The following WDFY4 variants were observed in gnomAD, a reference collection of about 807,000 sequenced individuals.
The protein encoded by WDFY4 is WDFY family member 4.
WDFY4 carries 169 observed loss-of-function variants against 351.9 expected under a neutral mutation model. That is an observed-to-expected ratio of 0.48 (90% CI 0.42 to 0.55). The LOEUF is 0.55. Among genes scored for constraint, WDFY4 ranks in the 20% least tolerant of loss-of-function variants. The probability of loss-of-function intolerance (pLI) is 0.00; values close to 1 mark genes in which losing one functional copy is unlikely to be tolerated. For missense variants in WDFY4, 3,803 were observed against 3,935.6 expected (o/e 0.97, Z 0.90); for synonymous variants, 1,622 against 1,574.6 (o/e 1.03, Z -0.71).
At chr10:48,830,974 T>C in intron 38 of WDFY4, 89 bp downstream of exon 38, 1 of 1,309,638 alleles carries the variant, frequency 7.6e-7, no homozygotes, top group East Asian at 2.6e-5. Context: ...CCTAGAGCCT[T>C]TTCCACCTGG....
At chr10:48,892,132 C>T (rs987977400) in intron 44 of WDFY4, among the ~76,000 whole-genome samples, 1 of 152,220 alleles carries the variant, frequency 6.6e-6, no homozygotes, top group South Asian at 2.1e-4. Flanking sequence ...AGCCGTGCCT[C>T]TCTGAGAGCG....
rs757296287 is a variant in WDFY4, at chr10:48,982,877, T to TA, written c.*302_*303insA. ...CTCACCTTATTAAGGGCTATTGCACTGAAAAAAAAAAAGATGGGTCGCTTA... is the reference window on the plus strand; with the variant it reads ...CTCACCTTATTAAGGGCTATTGCACTAGAAAAAAAAAAAGATGGGTCGCTTA... On this transcript the variant is annotated 3_prime_UTR_variant, in exon 62 of 62. Transcript: ENST00000325239. The TA allele has an allele frequency of 6.8e-3, 1,626 of 240,876 alleles. 4 individuals are homozygous for TA. The highest frequency in any genetic ancestry group is 0.011 in the Admixed American group (149 of 13,348). The allele number at this position is 240,876 out of a possible 1,614,324, so 14.9% of individuals were successfully genotyped here. A position where few individuals can be genotyped will look rare whatever the true frequency, so the allele number is the denominator to read the frequency against.
Position 48,820,291 on chromosome 10 carries a change from G to T in WDFY4, c.5563G>T (p.Asp1855Tyr), listed in dbSNP as rs768083529. 2 of 1,551,598 alleles carry T rather than the reference G, an allele frequency of 1.3e-6. No individual in the cohort carries two copies. The highest frequency in any genetic ancestry group is 1.4e-5 in the African/African-American group (1 of 73,040). ...TSSPEAAAEG[D>Y]STVEGLQAPT... ...CAGTCCTGAGGCCGCAGCTGAAGGCGACAGCACAGTGGAGGGTCTCCAGGC... is the reference window on the plus strand; with the variant it reads ...CAGTCCTGAGGCCGCAGCTGAAGGCTACAGCACAGTGGAGGGTCTCCAGGC... The change falls in exon 33 of 62, where the codon GAC becomes TAC. Residue 1855 changes from aspartate (D) to tyrosine (Y), a missense_variant. Transcript: ENST00000325239.
At chr10:48,926,051 T>G (rs2133632095) in intron 47 of WDFY4, among the ~76,000 whole-genome samples, 1 of 152,272 alleles carries the variant, frequency 6.6e-6, no homozygotes, top group East Asian at 1.9e-4. Flanking sequence ...TGGTGTACAA[T>G]CTTTCTATAC....
chr10:48,856,261 C>A (rs867747479), intron 39 of WDFY4, among the ~76,000 whole-genome samples: 1 of 151,926 alleles, frequency 6.6e-6, no homozygotes, highest in Non-Finnish European at 1.5e-5. Flanking sequence ...GTCTTTTTTG[C>A]GAGATAGCCA....
At chr10:48,939,432 C>A (rs1840630019) in intron 47 of WDFY4, among the ~76,000 whole-genome samples, 1 of 152,148 alleles carries the variant, frequency 6.6e-6, no homozygotes, top group Non-Finnish European at 1.5e-5. Context: ...TGCTCGGGGC[C>A]CCCCATTTAA....
chr10:48,929,423 G>A (rs1369907490), intron 47 of WDFY4, among the ~76,000 whole-genome samples: 2 of 152,202 alleles, frequency 1.3e-5, no homozygotes, highest in African/African-American at 4.8e-5. Context: ...CCAGGCCAGT[G>A]AGTGTGGGCA....
chr10:48,690,579 T>C (rs2063166676), intron 1 of WDFY4, among the ~76,000 whole-genome samples: 2 of 152,182 alleles, frequency 1.3e-5, no homozygotes, highest in African/African-American at 4.8e-5. Flanking sequence ...CAGGTTGTCC[T>C]GATGAGCACT....
chr10:48,931,822 A>G (rs1486633982), intron 47 of WDFY4, among the ~76,000 whole-genome samples: 1 of 152,222 alleles, frequency 6.6e-6, no homozygotes, highest in Non-Finnish European at 1.5e-5. Flanking sequence ...CTCCAATAAG[A>G]GAGATAGCTT....
At chr10:48,934,761 G>T (rs114858659) in intron 47 of WDFY4, among the ~76,000 whole-genome samples, 1 of 152,170 alleles carries the variant, frequency 6.6e-6, no homozygotes, top group Non-Finnish European at 1.5e-5. Context: ...TTCCTTAGAG[G>T]GGTGACTGGT....
intron 48 of WDFY4, 84 bp from the exon 49 acceptor site, chr10:48,943,246 C>A: frequency 6.7e-7 from 1 of 1,483,152 alleles, no homozygotes; most frequent in Non-Finnish European, 9.0e-7. Flanking sequence ...CCAGGGCCTG[C>A]TGCCGAGGCC....
chr10:48,959,857 C>T (rs942821996), intron 53 of WDFY4, 44 bp downstream of exon 53: 1 of 1,506,324 alleles, frequency 6.6e-7, no homozygotes, highest in Non-Finnish European at 9.0e-7. Context: ...GGGACCTGAA[C>T]ATCCCCTCAA....
chr10:48,867,854 C>T (rs1472464205), intron 40 of WDFY4, among the ~76,000 whole-genome samples: 2 of 152,078 alleles, frequency 1.3e-5, no homozygotes, highest in African/African-American at 4.8e-5. Context: ...GTCTTAAAAC[C>T]CTGTTGAATA....
intron 51 of WDFY4, among the ~76,000 whole-genome samples, chr10:48,950,294 A>G (rs1841259361): frequency 6.6e-6 from 1 of 152,174 alleles, no homozygotes; most frequent in Non-Finnish European, 1.5e-5. Flanking sequence ...GAATTATGCA[A>G]TGTTTGTCCT....
At chr10:48,920,528 GA>G (rs893227165) in intron 47 of WDFY4, among the ~76,000 whole-genome samples, 2 of 150,006 alleles carry the variant, frequency 1.3e-5, no homozygotes, top group Admixed American at 1.3e-4. Context: ...TAAAACAATT[GA>G]AAAAAAAGAA....
At chr10:48,928,590 C>T (rs980667250) in intron 47 of WDFY4, among the ~76,000 whole-genome samples, 1 of 152,174 alleles carries the variant, frequency 6.6e-6, no homozygotes, top group South Asian at 2.1e-4. Flanking sequence ...CAAGAGGACA[C>T]ATTGCTCCTT....
intron 47 of WDFY4, among the ~76,000 whole-genome samples, chr10:48,931,858 A>C (rs1840031032): frequency 6.6e-6 from 1 of 152,220 alleles, no homozygotes; most frequent in African/African-American, 2.4e-5. Context: ...GCAAACAGAC[A>C]TAACTATTGC....
chr10:48,817,130 T>A, intron 31 of WDFY4, 115 bp from the exon 32 acceptor site: 1 of 1,227,966 alleles, frequency 8.1e-7, no homozygotes, highest in South Asian at 1.5e-5. Flanking sequence ...TCTTAAATAA[T>A]GTATCTTGTT....
intron 44 of WDFY4, among the ~76,000 whole-genome samples, chr10:48,897,160 G>A (rs544296950): frequency 2.0e-5 from 3 of 152,278 alleles, no homozygotes; most frequent in Admixed American, 1.3e-4. Flanking sequence ...TGGAAACTGC[G>A]CCGTCATATT....
Sources: allele counts gnomAD v4.1 joint callset (sites outside exome capture counted in the v4.1 genomes callset), GRCh38; gene constraint gnomAD v4.1.1; transcripts MANE v1.5; gene names NCBI Gene and HGNC (gene_info 2026-07-23, HGNC 2026-07-21).